The following STN1 variants were observed in gnomAD, a reference collection of about 807,000 sequenced individuals.
STN1 encodes STN1 subunit of CST complex.
Under a neutral mutation model 45.5 loss-of-function variants are expected in STN1, and 29 were observed. That is an observed-to-expected ratio of 0.64 (90% CI 0.47 to 0.87). STN1 has a LOEUF of 0.87. Ranked by LOEUF, STN1 falls within the 40% of genes least tolerant of loss-of-function variation. The pLI is 0.00. For synonymous variants in STN1, 148 were observed against 159.0 expected, an observed-to-expected ratio of 0.93 and a Z score of 0.52; for missense variants, 376 against 441.4, an observed-to-expected ratio of 0.85 and a Z score of 1.33.
chr10:103,895,480 TG>T (rs1843165152), intron 7 of STN1, among the ~76,000 whole-genome samples: 1 of 152,210 alleles, frequency 6.6e-6, no homozygotes, highest in Admixed American at 6.5e-5. Context: ...CGCCTCTAAA[TG>T]ATTAAGTGGG....
In STN1 at chr10:103,905,097, C is replaced by A. The variant is rs1230385317; in HGVS notation, c.289G>T (p.Val97Leu). The A allele has an allele frequency of 6.2e-6, 10 of 1,613,534 alleles. No individual in the cohort carries two copies. In the East Asian group the frequency reaches 2.2e-4, roughly 36 times the overall value. Residue 97 changes from valine to leucine, a missense_variant, in exon 4 of 10, where the codon GTA becomes TTA. Physicochemically the swap from Val to Leu is conservative, Grantham distance 32 (BLOSUM62 1). Transcript: ENST00000224950. ...ICWKKLNTES[V>L]SAAPSAAREL... is the part of the protein sequence containing the mutation. ...ATGTGGCAAATAAAATTACCTGATA[C>A]AGACTCAGTATTCAACTTTTTCCAG...
intron 2 of STN1, among the ~76,000 whole-genome samples, chr10:103,912,950 G>A (rs1843301074): frequency 1.3e-5 from 2 of 152,208 alleles, no homozygotes; most frequent in South Asian, 4.1e-4. Flanking sequence ...GAGCTGTTTG[G>A]ACCCACAGAG....
intron 3 of STN1, among the ~76,000 whole-genome samples, chr10:103,909,434 G>GTA (rs1163280565): frequency 7.0e-5 from 4 of 56,894 alleles, no homozygotes; most frequent in African/African-American, 1.4e-4. Flanking sequence ...GTATATATAT[G>GTA]TATATATATG....
chr10:103,917,578 C>T lies in STN1; in HGVS notation c.17G>A (p.Ser6Asn), dbSNP rs1843342580. 1 of 1,613,968 alleles carries T rather than the reference C, an allele frequency of 6.2e-7. No individual in the cohort carries two copies. Among genetic ancestry groups the T allele is most frequent in the Admixed American group, 1.7e-5 (1 of 59,998 alleles). Residue 6 changes from serine (S) to asparagine (N), a missense_variant, in exon 2 of 10, where the codon AGC (serine) becomes AAC (asparagine). Physicochemically the swap from Ser to Asn is conservative, Grantham distance 46. Coordinates refer to ENST00000224950, the MANE Select transcript of STN1 (RefSeq NM_024928.5). ...GGAAGGGGTCTCCTCTTCACACCGG[C>T]TGGATCCAGGCTGCATCAAGAGGCA... MQPGSSRCEEETPSLL... is the reference protein window; with the variant it reads MQPGSNRCEEETPSLL...
In STN1 at chr10:103,878,258, C is replaced by T. The variant is rs1843043529; in HGVS notation, c.*4426G>A. ...CTGAAACATGTGCACACTAAGAGAA[C>T]TGGAGAATGTTTGCTCAGTTTCCCT... On this transcript the variant is annotated 3_prime_UTR_variant, in exon 10 of 10. Transcript: ENST00000224950. 6.6e-6 allele frequency: 1 copy of T among 152,208 alleles called. No homozygotes were observed. The allele number at this position is 152,208 out of a possible 1,614,324, so 9.4% of individuals were successfully genotyped here.
At position 103,897,677 on chromosome 10, in the gene STN1, C is replaced by G; in HGVS notation, c.624G>C (p.Leu208=). The part of the protein sequence containing the change: ...ALDLPSLTSL[L]SEKAKEFLME... ...TGAGGAATTCTTTGGCTTTTTCACT[C>G]AGCAAACTCGTGAGACTGGGGAGGT... Residue 208 remains leucine (L), a synonymous_variant, in exon 7 of 10, where the codon CTG becomes CTC. Coordinates refer to ENST00000224950, the MANE Select transcript of STN1 (RefSeq NM_024928.5). The G allele has an allele frequency of 6.2e-7, 1 of 1,614,198 alleles. No homozygotes were observed. Among genetic ancestry groups the G allele is most frequent in the Non-Finnish European group, 8.5e-7 (1 of 1,180,040 alleles).
chr10:103,890,593 C>T (rs937966756), intron 8 of STN1, among the ~76,000 whole-genome samples: 2 of 152,208 alleles, frequency 1.3e-5, no homozygotes, highest in African/African-American at 4.8e-5. Context: ...GGTGAGCTGC[C>T]CCCATAGCTT....
chr10:103,902,806 G>C (rs1248847125), intron 4 of STN1, among the ~76,000 whole-genome samples: 1 of 152,168 alleles, frequency 6.6e-6, no homozygotes, highest in Non-Finnish European at 1.5e-5. Flanking sequence ...GAGAGAATGG[G>C]CTAGTTGGGA....
intron 7 of STN1, among the ~76,000 whole-genome samples, chr10:103,893,708 C>A (rs953486538): frequency 1.3e-5 from 2 of 152,176 alleles, no homozygotes; most frequent in African/African-American, 4.8e-5. Flanking sequence ...CAAGTGTTCA[C>A]AAGTCCGTCC....
chr10:103,894,519 C>G (rs1843158687), intron 7 of STN1, among the ~76,000 whole-genome samples: 1 of 152,158 alleles, frequency 6.6e-6, no homozygotes, highest in African/African-American at 2.4e-5. Context: ...TCAGCTGACC[C>G]TGGGACATAT....
Position 103,909,424 on chromosome 10 carries a change from GTATATATA to G in STN1, c.229+1095_229+1102del, listed in dbSNP as rs1198988740. Reference sequence around the variant, plus strand: ...TATATATATGTATATATGTATATATGTATATATATGTATATATATGTATATATGTATAT... The same window carrying G: ...TATATATATGTATATATGTATATATGTGTATATATATGTATATATGTATAT... On this transcript the variant is annotated intron_variant, in intron 3 of 9. Transcript: ENST00000224950. Among the ~76,000 whole-genome samples the G allele has an allele frequency of 4.1e-4, 20 of 48,404 alleles. 5 individuals carry two copies. Among genetic ancestry groups the G allele is most frequent in the Admixed American group, 1.3e-3 (5 of 3,716 alleles). The allele number at this position is 48,404 out of a possible 152,430, so 31.8% of individuals were successfully genotyped here.
intron 2 of STN1, among the ~76,000 whole-genome samples, chr10:103,913,101 G>A (rs1419248309): frequency 4.6e-5 from 7 of 152,178 alleles, no homozygotes; most frequent in African/African-American, 9.7e-5. Flanking sequence ...TTTTAATAAA[G>A]AGCAAAAACA....
intron 3 of STN1, among the ~76,000 whole-genome samples, chr10:103,905,570 G>A (rs945378360): frequency 5.3e-5 from 8 of 152,186 alleles, no homozygotes. Flanking sequence ...GCATCGTGTG[G>A]AGTGTGGTTA....
intron 9 of STN1, among the ~76,000 whole-genome samples, chr10:103,885,092 C>A (rs1843095130): frequency 6.6e-6 from 1 of 152,300 alleles, no homozygotes; most frequent in Admixed American, 6.5e-5. Flanking sequence ...CTCCCGGGAA[C>A]AAAACCACTT....
chr10:103,888,294 C>A (rs1843116758), intron 9 of STN1, among the ~76,000 whole-genome samples: 1 of 152,068 alleles, frequency 6.6e-6, no homozygotes, highest in Admixed American at 6.5e-5. Context: ...AGATCAGGGA[C>A]CTGGGGTCAT....
At chr10:103,913,752 G>A (rs1014683650) in intron 2 of STN1, among the ~76,000 whole-genome samples, 2 of 152,112 alleles carry the variant, frequency 1.3e-5, no homozygotes, top group African/African-American at 4.8e-5. Flanking sequence ...TCAACTGAGA[G>A]AAAGCTTAAT....
At chr10:103,899,130 G>T in intron 5 of STN1, 130 bp from the exon 6 acceptor site, 1 of 893,266 alleles carries the variant, frequency 1.1e-6, no homozygotes, top group Non-Finnish European at 1.7e-6. Context: ...CCTTGTGAGT[G>T]CCCAGGGATC....
rs1843053079 is a variant in STN1, at chr10:103,879,483, AG to A, written c.*3200del. The A allele has an allele frequency of 6.6e-6, 1 of 152,414 alleles. No individual in the cohort carries two copies. Among genetic ancestry groups the A allele is most frequent in the African/African-American group, 2.4e-5 (1 of 41,370 alleles). The allele number at this position is 152,414 out of a possible 1,614,324, so 9.4% of individuals were successfully genotyped here. A position where few individuals can be genotyped will look rare whatever the true frequency, so the allele number is the denominator to read the frequency against. ...TGACACTCAAGTAAAGGCTGGAAAG[AG>A]GGCAGAGGGAGGCACTTCACATGGT... On this transcript the variant is annotated 3_prime_UTR_variant, in exon 10 of 10. Coordinates refer to ENST00000224950, the MANE Select transcript of STN1 (RefSeq NM_024928.5).
intron 7 of STN1, among the ~76,000 whole-genome samples, chr10:103,893,082 A>G (rs1843150099): frequency 6.6e-6 from 1 of 152,054 alleles, no homozygotes; most frequent in Admixed American, 6.5e-5. Context: ...TACACATTAG[A>G]GTGTGTGTAT....
Sources: allele counts gnomAD v4.1 joint callset (sites outside exome capture counted in the v4.1 genomes callset), GRCh38; gene constraint gnomAD v4.1.1; transcripts MANE v1.5; gene names NCBI Gene and HGNC (gene_info 2026-07-23, HGNC 2026-07-21).